The following MYMX variants were observed in gnomAD, a reference collection of about 807,000 sequenced individuals.
MYMX encodes the protein myomixer, myoblast fusion factor, also known as protein myomixer.
chr6:44,203,306 A>G, the MYMX span, among the ~76,000 whole-genome samples: 1 of 152,024 alleles, frequency 6.6e-6, no homozygotes, highest in Non-Finnish European at 1.5e-5. Context: ...CAGAACCTTC[A>G]TTTATTTGTT....
the MYMX span, among the ~76,000 whole-genome samples, chr6:44,195,784 T>C: frequency 1.3e-5 from 2 of 152,244 alleles, no homozygotes; most frequent in Admixed American, 6.5e-5. Flanking sequence ...TTGATACTTA[T>C]CCCTTTTGAT....
chr6:44,215,916 A>C (rs1775839478), upstream of MYMX, among the ~76,000 whole-genome samples: 6 of 152,306 alleles, frequency 3.9e-5, no homozygotes, highest in South Asian at 1.2e-3. Flanking sequence ...ATAATAAATA[A>C]ATAAAAATTA....
upstream of MYMX, among the ~76,000 whole-genome samples, chr6:44,215,496 C>CTGT (rs1468140472): frequency 1.3e-5 from 2 of 152,126 alleles, no homozygotes; most frequent in Non-Finnish European, 2.9e-5. Flanking sequence ...TCACTTGATC[C>CTGT]TGTGAGGTTG....
chr6:44,199,218 C>T, the MYMX span, among the ~76,000 whole-genome samples: 3 of 152,030 alleles, frequency 2.0e-5, no homozygotes, highest in Non-Finnish European at 4.4e-5. Context: ...ATTTTAGAGA[C>T]AGGATCTCAC....
the MYMX span, among the ~76,000 whole-genome samples, chr6:44,193,986 A>C: frequency 6.8e-6 from 1 of 146,366 alleles, no homozygotes; most frequent in Non-Finnish European, 1.5e-5. Flanking sequence ...CTCCGTCTCC[A>C]AAAAAAAAAA....
the MYMX span, among the ~76,000 whole-genome samples, chr6:44,198,843 T>C: frequency 1.3e-5 from 2 of 152,158 alleles, no homozygotes; most frequent in African/African-American, 4.8e-5. Flanking sequence ...CTCAAACTCC[T>C]GACCTCAAGT....
At chr6:44,197,427 G>A in the MYMX span, among the ~76,000 whole-genome samples, 7 of 152,104 alleles carry the variant, frequency 4.6e-5, no homozygotes, top group African/African-American at 1.4e-4. Flanking sequence ...CAGCTCCTCC[G>A]GAGGCTGAGG....
At chr6:44,206,014 TTTTGTTGTTGTTG>T in the MYMX span, among the ~76,000 whole-genome samples, 3 of 143,626 alleles carry the variant, frequency 2.1e-5, no homozygotes, top group Non-Finnish European at 4.6e-5. Context: ...AAAACCTCAT[TTTTGTTGTTGTTG>T]TTGTTTCTTT....
chr6:44,213,021 A>C (rs1304198526), upstream of MYMX, among the ~76,000 whole-genome samples: 1 of 152,086 alleles, frequency 6.6e-6, no homozygotes, highest in African/African-American at 2.4e-5. Flanking sequence ...CCCTGTTTCT[A>C]AATAAAAATA....
the MYMX span, among the ~76,000 whole-genome samples, chr6:44,193,650 A>G: frequency 1.3e-5 from 2 of 152,160 alleles, no homozygotes; most frequent in Non-Finnish European, 2.9e-5. Flanking sequence ...AATGAATCCA[A>G]TCACACAGCC....
chr6:44,213,729 G>A (rs1179631258), upstream of MYMX, among the ~76,000 whole-genome samples: 1 of 152,162 alleles, frequency 6.6e-6, no homozygotes, highest in Non-Finnish European at 1.5e-5. Context: ...CTCTAGTATT[G>A]TTTCATAATG....
the MYMX span, among the ~76,000 whole-genome samples, chr6:44,210,607 G>A: frequency 6.6e-6 from 1 of 152,144 alleles, no homozygotes; most frequent in Non-Finnish European, 1.5e-5. Flanking sequence ...TTTATAATAT[G>A]TCTGTTTAAA....
At position 44,217,752 on chromosome 6, in the gene MYMX, A is replaced by C; in HGVS notation, c.*26A>C. 2.5e-6 allele frequency: 1 copy of C among 401,040 alleles called. No homozygotes were observed. The highest frequency in any genetic ancestry group is 1.3e-4 in the South Asian group (1 of 7,956). The allele number at this position is 401,040 out of a possible 1,614,324, so 24.8% of individuals were successfully genotyped here. ...GGCCACAAGTCCTGGCAGCAGCTGT[A>C]TCCACAAAATGCTTTCTTTTGGAGT... is the stretch of plus-strand genomic sequence containing the variant. On this transcript the variant is annotated 3_prime_UTR_variant, in exon 2 of 2. Transcript: ENST00000573382.
At chr6:44,211,788 TTGTGTGTGTGTGTGTGTG>T in the MYMX span, among the ~76,000 whole-genome samples, 4 of 126,430 alleles carry the variant, frequency 3.2e-5, no homozygotes, top group African/African-American at 1.2e-4. Context: ...CAGCTAGGTT[TTGTGTGTGTGTGTGTGTG>T]TGTGTGTGTG....
the MYMX span, among the ~76,000 whole-genome samples, chr6:44,210,854 T>C: frequency 6.6e-6 from 1 of 152,208 alleles, no homozygotes; most frequent in African/African-American, 2.4e-5. Context: ...TGGGGCTGGG[T>C]ACAGTGGCTC....
At chr6:44,212,404 C>CA (rs940589027), upstream of MYMX, among the ~76,000 whole-genome samples, 4 of 111,334 alleles carry the variant, frequency 3.6e-5, no homozygotes, top group East Asian at 9.5e-4. Context: ...GACCCTGTCT[C>CA]AAAAAATAAA....
At chr6:44,204,746 A>G in the MYMX span, among the ~76,000 whole-genome samples, 1 of 151,948 alleles carries the variant, frequency 6.6e-6, no homozygotes, top group African/African-American at 2.4e-5. Flanking sequence ...CCAAACCCCT[A>G]TTGTGTAGCT....
chr6:44,199,822 T>C, the MYMX span, among the ~76,000 whole-genome samples: 1 of 152,016 alleles, frequency 6.6e-6, no homozygotes, highest in Non-Finnish European at 1.5e-5. Context: ...TAGCTGAGAC[T>C]ATAGGAGTAA....
chr6:44,201,818 G>A, the MYMX span, among the ~76,000 whole-genome samples: 4 of 152,112 alleles, frequency 2.6e-5, no homozygotes, highest in Non-Finnish European at 5.9e-5. Flanking sequence ...TTTTAGGGAG[G>A]GGGACCACCC....
Sources: allele counts gnomAD v4.1 joint callset (sites outside exome capture counted in the v4.1 genomes callset), GRCh38; gene constraint gnomAD v4.1.1; transcripts MANE v1.5; gene names NCBI Gene and HGNC (gene_info 2026-07-23, HGNC 2026-07-21).